Variants in TNR observed in about 807,000 individuals in gnomAD.
TNR encodes tenascin R.
Under a neutral mutation model 150.4 loss-of-function variants are expected in TNR, and 45 were observed. That is an observed-to-expected ratio of 0.30 (90% CI 0.24 to 0.38). TNR has a LOEUF of 0.38. TNR is among the 10% of genes least tolerant of loss of function. TNR has a pLI of 1.00. For synonymous variants in TNR, 687 were observed against 678.4 expected, an observed-to-expected ratio of 1.01 and a Z score of -0.20; for missense variants, 1,544 against 1,759.1, an observed-to-expected ratio of 0.88 and a Z score of 2.19.
intron 1 of TNR, among the ~76,000 whole-genome samples, chr1:175,739,832 A>T (rs756209171): frequency 5.9e-5 from 9 of 152,126 alleles, no homozygotes; most frequent in Non-Finnish European, 1.2e-4. Flanking sequence ...TCACATAGGT[A>T]CTCTTTCCTC....
intron 2 of TNR, among the ~76,000 whole-genome samples, chr1:175,433,576 G>C (rs1476134288): frequency 2.0e-5 from 3 of 152,176 alleles, no homozygotes; most frequent in African/African-American, 7.2e-5. Context: ...AAGGCAATCT[G>C]TCTGAGGCTG....
rs553953381 is a variant in TNR, at chr1:175,513,313, C to T, written c.-64+14956G>A. Among the ~76,000 whole-genome samples, 154 of 152,282 alleles carry T rather than the reference C, an allele frequency of 1.0e-3. 2 individuals are homozygous for T. In the Middle Eastern group the frequency reaches 0.024, roughly 24 times the overall value. On this transcript the variant is annotated intron_variant, in intron 2 of 22. Coordinates refer to ENST00000367674, the MANE Select transcript of TNR (RefSeq NM_003285.3). Reference sequence around the variant, plus strand: ...TCTCTGAGCTATAACTCTCCTGTCTCATCTCCATCCCCTTATTCACTAGTG... The same window carrying T: ...TCTCTGAGCTATAACTCTCCTGTCTTATCTCCATCCCCTTATTCACTAGTG...
At chr1:175,559,967 G>T (rs1661357171) in intron 1 of TNR, among the ~76,000 whole-genome samples, 1 of 152,366 alleles carries the variant, frequency 6.6e-6, no homozygotes, top group East Asian at 1.9e-4. Flanking sequence ...CCAGGGAAAT[G>T]AGATGATTGC....
In TNR at chr1:175,660,105, T is replaced by A. The variant is rs61476622; in HGVS notation, c.-165+83121A>T. 3.5e-3 allele frequency among the ~76,000 whole-genome samples: 527 copies of A among 152,262 alleles called. 4 individuals carry two copies. Among genetic ancestry groups the A allele is most frequent in the African/African-American group, 0.012 (512 of 41,554 alleles). ...GGAGAATACAGTGACTTCAAAGCAG[T>A]GTCATCCCCTCTCTGGACTCAGTTT... On this transcript the variant is annotated intron_variant, in intron 1 of 22. Transcript: ENST00000367674.
chr1:175,524,709 G>A (rs143239113), intron 2 of TNR, among the ~76,000 whole-genome samples: 9 of 152,316 alleles, frequency 5.9e-5, no homozygotes, highest in South Asian at 4.1e-4. Context: ...CAGGCTTAGC[G>A]AAGGAGGAGG....
At chr1:175,327,981 G>A (rs61391686) in intron 21 of TNR, among the ~76,000 whole-genome samples, 24,975 of 152,082 alleles carry the variant, frequency 0.16, 2,271 homozygotes, top group African/African-American at 0.22. Context: ...GGTGGCATGT[G>A]TCTGTAATCC....
At chr1:175,624,892 C>A (rs538632785) in intron 1 of TNR, among the ~76,000 whole-genome samples, 1 of 152,162 alleles carries the variant, frequency 6.6e-6, no homozygotes, top group Admixed American at 6.5e-5. Flanking sequence ...GAGGATGGGG[C>A]CCCCTTCTTC....
chr1:175,554,235 T>C (rs986526287), intron 1 of TNR, among the ~76,000 whole-genome samples: 1 of 151,898 alleles, frequency 6.6e-6, no homozygotes, highest in Non-Finnish European at 1.5e-5. Context: ...TCATTTCTAC[T>C]TTACAGATGG....
intron 1 of TNR, among the ~76,000 whole-genome samples, chr1:175,600,354 G>T (rs1663187601): frequency 6.6e-6 from 1 of 152,130 alleles, no homozygotes; most frequent in Non-Finnish European, 1.5e-5. Flanking sequence ...AAAATAAGAG[G>T]GTTGGAAGAA....
At position 175,337,509 on chromosome 1, in the gene TNR, G is replaced by T. The variant is rs767781712; in HGVS notation, c.3534+19C>A. On this transcript the variant is annotated intron_variant, in intron 19 of 22. Coordinates refer to ENST00000367674, the MANE Select transcript of TNR (RefSeq NM_003285.3). ...CACTGAGGACGCTTCTGTGCAAGGAGAGCACAGATTGTACTTACAATCCAG... is the reference window on the plus strand; with the variant it reads ...CACTGAGGACGCTTCTGTGCAAGGATAGCACAGATTGTACTTACAATCCAG... 6.2e-7 allele frequency: 1 copy of T among 1,612,136 alleles called. No individual in the cohort carries two copies. Among genetic ancestry groups the T allele is most frequent in the Admixed American group, 1.7e-5 (1 of 60,004 alleles).
At position 175,335,807 on chromosome 1, in the gene TNR, C is replaced by T. The variant is rs959188099; in HGVS notation, c.3535G>A (p.Val1179Ile). 2 of 1,606,950 alleles carry T rather than the reference C, an allele frequency of 1.2e-6. No individual in the cohort carries two copies. The highest frequency in any genetic ancestry group is 1.1e-5 in the South Asian group (1 of 88,888). Residue 1179 changes from valine to isoleucine, a missense_variant and splice_region_variant, in exon 20 of 23, where the codon GTA becomes ATA. Val to Ile is a conservative substitution (Grantham distance 29). Transcript: ENST00000367674. ...TGGCCATTCTGCCGCCTCTGGAATA[C>T]CTATGAAGGAAATAAAAAAACAAAA... ...DMTTDGGGWI[V>I]FQRRQNGQTD...
At chr1:175,325,148 T>C (rs1042148612) in intron 21 of TNR, among the ~76,000 whole-genome samples, 2 of 152,228 alleles carry the variant, frequency 1.3e-5, no homozygotes, top group Non-Finnish European at 1.5e-5. Flanking sequence ...TGGCCTGTGA[T>C]CACTGTCACC....
chr1:175,732,744 G>A (rs1411416574), intron 1 of TNR, among the ~76,000 whole-genome samples: 3 of 152,168 alleles, frequency 2.0e-5, no homozygotes, highest in African/African-American at 4.8e-5. Flanking sequence ...CATTTGTCAC[G>A]TGTCTTCAGG....
At chr1:175,372,132 G>T (rs748101871) in intron 9 of TNR, among the ~76,000 whole-genome samples, 1 of 152,148 alleles carries the variant, frequency 6.6e-6, no homozygotes, top group Non-Finnish European at 1.5e-5. Context: ...TGTGATGCGC[G>T]GGCTACTCCT....
At position 175,318,926 on chromosome 1, in the gene TNR, CTT is replaced by C. The variant is rs1458814739; in HGVS notation, c.*4429_*4430del. 6.6e-6 allele frequency: 1 copy of C among 152,214 alleles called. No individual in the cohort carries two copies. Among genetic ancestry groups the C allele is most frequent in the Non-Finnish European group, 1.5e-5 (1 of 68,042 alleles). The allele number at this position is 152,214 out of a possible 1,614,324, so 9.4% of individuals were successfully genotyped here. A position where few individuals can be genotyped will look rare whatever the true frequency, so the allele number is the denominator to read the frequency against. On this transcript the variant is annotated 3_prime_UTR_variant, in exon 23 of 23. Transcript: ENST00000367674. ...AGCAAGTGAAAACAAATTATCCCAA[CTT>C]CTTTGGGATTATTGAAACTGAACTG...
At chr1:175,418,055 A>T (rs1654580778) in intron 2 of TNR, among the ~76,000 whole-genome samples, 1 of 152,214 alleles carries the variant, frequency 6.6e-6, no homozygotes, top group South Asian at 2.1e-4. Flanking sequence ...GCATGAAATA[A>T]CATAATTATT....
chr1:175,352,459 G>A (rs755413492), intron 18 of TNR, among the ~76,000 whole-genome samples: 15 of 152,172 alleles, frequency 9.9e-5, no homozygotes, highest in African/African-American at 3.1e-4. Flanking sequence ...GCTCCAACCC[G>A]TGGGTCTTTA....
intron 1 of TNR, among the ~76,000 whole-genome samples, chr1:175,729,496 A>T (rs1667574328): frequency 6.6e-6 from 1 of 151,952 alleles, no homozygotes; most frequent in Admixed American, 6.6e-5. Context: ...TGGTGAGATC[A>T]TAACTCACTG....
rs79428137 is a variant in TNR at position 175,371,156 on chromosome 1, T to G, written c.1964-3859A>C. 3.6e-3 allele frequency among the ~76,000 whole-genome samples: 554 copies of G among 152,278 alleles called. 7 individuals carry two copies. Among genetic ancestry groups the G allele is most frequent in the African/African-American group, 0.013 (532 of 41,564 alleles). ...GTACTCCTAGGGATTTCTCACTTTTTAAAGACCCCATTGCTCTCTATCAAT... is the reference window on the plus strand; with the variant it reads ...GTACTCCTAGGGATTTCTCACTTTTGAAAGACCCCATTGCTCTCTATCAAT... On this transcript the variant is annotated intron_variant, in intron 9 of 22. Coordinates refer to ENST00000367674, the MANE Select transcript of TNR (RefSeq NM_003285.3).
Sources: allele counts gnomAD v4.1 joint callset (sites outside exome capture counted in the v4.1 genomes callset), GRCh38; gene constraint gnomAD v4.1.1; transcripts MANE v1.5; gene names NCBI Gene and HGNC (gene_info 2026-07-23, HGNC 2026-07-21).